The following PCDH15 variants were observed in gnomAD, a reference collection of about 807,000 sequenced individuals.
The protein encoded by PCDH15 is protocadherin related 15.
A neutral mutation model predicts 178.5 loss-of-function variants in PCDH15; 129 were observed. The ratio of observed to expected loss-of-function variants is 0.72; its 90% CI spans 0.63 to 0.84. The LOEUF is 0.84. PCDH15 is among the 40% of genes least tolerant of loss of function. The pLI is 0.00. For synonymous variants in PCDH15, 800 were observed against 732.0 expected (o/e 1.09, Z -1.50); for missense variants, 2,230 against 2,099.9 (o/e 1.06, Z -1.21).
At position 53,822,043 on chromosome 10, in the gene PCDH15, A is replaced by G. The variant is rs759950014; in HGVS notation, c.4368-1813T>C. 9.3e-6 allele frequency: 15 copies of G among 1,613,812 alleles called. No homozygotes were observed. The highest frequency in any genetic ancestry group is 1.3e-5 in the African/African-American group (1 of 74,894). The stretch of plus-strand genomic sequence containing the variant: ...ATTTGACTGTACATGTTAGCTACTG[A>G]TTTTTCAAGTTCTGCTAAGTTTTTA... On this transcript the variant is annotated intron_variant, in intron 32 of 37. Transcript: ENST00000644397.
intron 2 of PCDH15, among the ~76,000 whole-genome samples, chr10:55,460,725 C>T (rs1279430426): frequency 1.3e-5 from 2 of 152,096 alleles, no homozygotes; most frequent in East Asian, 3.9e-4. Flanking sequence ...TGTATTATCT[C>T]ATTATGGGTC....
At chr10:54,105,317 T>TATATATATAC (rs1233590982) in intron 15 of PCDH15, among the ~76,000 whole-genome samples, 19 of 91,608 alleles carry the variant, frequency 2.1e-4, no homozygotes, top group South Asian at 3.9e-4. Flanking sequence ...TATATATATA[T>TATATATATAC]ACACACACAC....
chr10:54,890,277 G>T (rs961094643), intron 3 of PCDH15, among the ~76,000 whole-genome samples: 2 of 152,040 alleles, frequency 1.3e-5, no homozygotes, highest in African/African-American at 4.8e-5. Flanking sequence ...GAGGAAAGCT[G>T]ATACAACTCT....
chr10:54,280,993 CTATG>C (rs952603009), intron 8 of PCDH15, among the ~76,000 whole-genome samples: 5 of 151,764 alleles, frequency 3.3e-5, no homozygotes, highest in Admixed American at 2.6e-4. Context: ...TCTAACTTAT[CTATG>C]TGTGTATGTA....
At chr10:55,258,474 T>C (rs561666937) in intron 1 of PCDH15, among the ~76,000 whole-genome samples, 6 of 152,246 alleles carry the variant, frequency 3.9e-5, no homozygotes, top group Non-Finnish European at 8.8e-5. Flanking sequence ...TGTACTTTTC[T>C]TTCTTTCTTT....
chr10:54,621,945 A>AT (rs1168714805), intron 2 of PCDH15, among the ~76,000 whole-genome samples: 2 of 152,070 alleles, frequency 1.3e-5, no homozygotes, highest in Non-Finnish European at 2.9e-5. Context: ...AAGAAGAGGT[A>AT]TTTTTTAAAT....
At chr10:55,241,715 G>A (rs1488179184) in intron 1 of PCDH15, among the ~76,000 whole-genome samples, 3 of 152,034 alleles carry the variant, frequency 2.0e-5, no homozygotes, top group Non-Finnish European at 4.4e-5. Context: ...GAGCCACCAC[G>A]CCCAGCCACT....
chr10:55,514,467 A>G lies in PCDH15; in HGVS notation c.-156+113158T>C, dbSNP rs181428442. 2.4e-3 allele frequency among the ~76,000 whole-genome samples: 370 copies of G among 152,290 alleles called. 1 individual carries two copies. Among genetic ancestry groups the G allele is most frequent in the African/African-American group, 8.3e-3 (344 of 41,566 alleles). ...AGAAAAGGCCTACAAATTTATTAAC[A>G]TGTACCTGGGAGCCTTTAGAATGAA... On this transcript the variant is annotated intron_variant, in intron 2 of 5. Transcript: ENST00000613346.
intron 3 of PCDH15, among the ~76,000 whole-genome samples, chr10:54,814,546 T>A (rs1952918239): frequency 6.6e-6 from 1 of 152,192 alleles, no homozygotes; most frequent in Non-Finnish European, 1.5e-5. Context: ...TTGCAATTCC[T>A]TGTAGCTAAT....
At chr10:55,351,864 T>C (rs1844944509) in intron 2 of PCDH15, among the ~76,000 whole-genome samples, 1 of 152,180 alleles carries the variant, frequency 6.6e-6, no homozygotes. Flanking sequence ...TTCCTGAATG[T>C]TAAGTCTCAT....
At chr10:55,035,725 C>T (rs1331983254) in intron 2 of PCDH15, among the ~76,000 whole-genome samples, 3 of 152,132 alleles carry the variant, frequency 2.0e-5, no homozygotes, top group Non-Finnish European at 4.4e-5. Context: ...AAAGACATTA[C>T]TTAAATTTTG....
At chr10:55,390,864 T>C (rs2132013231) in intron 2 of PCDH15, among the ~76,000 whole-genome samples, 1 of 152,312 alleles carries the variant, frequency 6.6e-6, no homozygotes, top group East Asian at 1.9e-4. Flanking sequence ...AGTGAATCAT[T>C]GTGAAAACAG....
At chr10:55,606,058 C>CA (rs1157620032) in intron 2 of PCDH15, among the ~76,000 whole-genome samples, 3 of 84,950 alleles carry the variant, frequency 3.5e-5, no homozygotes, top group Non-Finnish European at 6.8e-5. Flanking sequence ...TCTCAGGATA[C>CA]AAAATCAATG....
chr10:55,248,129 T>A (rs1363738788), intron 1 of PCDH15, among the ~76,000 whole-genome samples: 1 of 151,702 alleles, frequency 6.6e-6, no homozygotes. Flanking sequence ...TTTCTTAATC[T>A]TTTCAGTGAA....
intron 2 of PCDH15, among the ~76,000 whole-genome samples, chr10:55,018,604 A>T (rs984888128): frequency 1.3e-5 from 2 of 152,144 alleles, no homozygotes; most frequent in Non-Finnish European, 2.9e-5. Flanking sequence ...TGAATAAGGA[A>T]ATAAATGTGT....
At chr10:54,166,178 CCTAT>C (rs1332453405) in intron 13 of PCDH15, among the ~76,000 whole-genome samples, 1 of 152,158 alleles carries the variant, frequency 6.6e-6, no homozygotes, top group African/African-American at 2.4e-5. Flanking sequence ...TCTTCACTTG[CCTAT>C]CTGAGTACTC....
chr10:54,757,714 A>G (rs1947344406), intron 1 of PCDH15, among the ~76,000 whole-genome samples: 1 of 152,108 alleles, frequency 6.6e-6, no homozygotes, highest in Admixed American at 6.6e-5. Context: ...TTATTCCTTA[A>G]AGTTTTATTT....
intron 20 of PCDH15, among the ~76,000 whole-genome samples, chr10:54,007,298 T>C (rs1362624907): frequency 1.3e-5 from 2 of 152,158 alleles, no homozygotes; most frequent in Non-Finnish European, 2.9e-5. Context: ...ATCATCTAAT[T>C]TACTATCATC....
At chr10:54,368,820 T>C (rs1181893557) in intron 5 of PCDH15, among the ~76,000 whole-genome samples, 1 of 151,952 alleles carries the variant, frequency 6.6e-6, no homozygotes, top group Non-Finnish European at 1.5e-5. Context: ...AGGATAATAA[T>C]AATAACTCGT....
Sources: gnomAD v4.1 joint callset for allele counts (sites outside exome capture counted in the v4.1 genomes callset) on GRCh38, gnomAD v4.1.1 for gene constraint, MANE v1.5 for transcripts, NCBI Gene and HGNC (gene_info 2026-07-23, HGNC 2026-07-21) for gene names.